The following NKAIN2 variants were observed in gnomAD, a reference collection of about 807,000 sequenced individuals.
The protein encoded by NKAIN2 is sodium/potassium-transporting ATPase subunit beta-1-interacting protein 2.
Under a neutral mutation model 32.6 loss-of-function variants are expected in NKAIN2, and 14 were observed. The ratio of observed to expected loss-of-function variants is 0.43; its 90% CI spans 0.28 to 0.67. NKAIN2 has a LOEUF of 0.67. Ranked by LOEUF, NKAIN2 falls within the 30% of genes least tolerant of loss-of-function variation. The pLI is 0.17. For synonymous variants in NKAIN2, 80 were observed against 87.2 expected (o/e 0.92, Z 0.46); for missense variants, 198 against 258.3 (o/e 0.77, Z 1.60).
intron 5 of NKAIN2, among the ~76,000 whole-genome samples, 171 bp from the exon 6 acceptor site, chr6:124,818,216 C>T (rs1157993489): frequency 6.6e-6 from 1 of 152,118 alleles, no homozygotes; most frequent in Non-Finnish European, 1.5e-5. Flanking sequence ...AGCGGAATCA[C>T]TACCTTGAAG....
At chr6:123,925,525 A>G (rs1775967885) in intron 1 of NKAIN2, among the ~76,000 whole-genome samples, 1 of 152,192 alleles carries the variant, frequency 6.6e-6, no homozygotes, top group Admixed American at 6.5e-5. Context: ...TCATTCATGT[A>G]TAAGCCACAC....
intron 2 of NKAIN2, among the ~76,000 whole-genome samples, chr6:124,308,363 A>G (rs1201041875): frequency 2.0e-5 from 3 of 152,100 alleles, no homozygotes; most frequent in Non-Finnish European, 4.4e-5. Flanking sequence ...GATTTATCAA[A>G]CTCCACGACT....
intron 1 of NKAIN2, among the ~76,000 whole-genome samples, chr6:124,163,662 C>T (rs1435404832): frequency 6.6e-6 from 1 of 151,796 alleles, no homozygotes; most frequent in Non-Finnish European, 1.5e-5. Flanking sequence ...AGTATTTTAT[C>T]TAGTGTTTTC....
At chr6:124,294,911 CT>C (rs1562476581) in intron 2 of NKAIN2, among the ~76,000 whole-genome samples, 2 of 151,838 alleles carry the variant, frequency 1.3e-5, no homozygotes, top group Non-Finnish European at 1.5e-5. Context: ...ATATTTTTTT[CT>C]TTTAAAGATA....
At chr6:124,236,325 A>G (rs1378448543) in intron 1 of NKAIN2, among the ~76,000 whole-genome samples, 2 of 152,140 alleles carry the variant, frequency 1.3e-5, no homozygotes, top group African/African-American at 4.8e-5. Context: ...ACAATGGAAC[A>G]TGTATTCTCT....
intron 2 of NKAIN2, among the ~76,000 whole-genome samples, chr6:124,319,244 T>C (rs1168286979): frequency 1.3e-5 from 2 of 152,108 alleles, no homozygotes; most frequent in Admixed American, 6.6e-5. Context: ...TTTAAATTAG[T>C]TTCTAACTTC....
chr6:124,152,703 A>G (rs148903066), intron 1 of NKAIN2, among the ~76,000 whole-genome samples: 2,511 of 152,090 alleles, frequency 0.017, 50 homozygotes, highest in Middle Eastern at 0.037. Context: ...TGAAGAGATC[A>G]CTGCACTCTT....
At chr6:124,363,113 G>A (rs1799364891) in intron 3 of NKAIN2, among the ~76,000 whole-genome samples, 1 of 152,132 alleles carries the variant, frequency 6.6e-6, no homozygotes, top group African/African-American at 2.4e-5. Context: ...GGGATTACAG[G>A]CATGAGCCAC....
At chr6:124,082,840 T>C (rs1784035917) in intron 1 of NKAIN2, among the ~76,000 whole-genome samples, 1 of 151,864 alleles carries the variant, frequency 6.6e-6, no homozygotes, top group African/African-American at 2.4e-5. Flanking sequence ...ACACAGAAAA[T>C]CAAACGCACC....
At chr6:124,640,758 G>A (rs1238452019) in intron 3 of NKAIN2, among the ~76,000 whole-genome samples, 1 of 152,166 alleles carries the variant, frequency 6.6e-6, no homozygotes, top group South Asian at 2.1e-4. Context: ...ATAAAATTGA[G>A]ATTTTGAGCC....
In NKAIN2 at chr6:124,666,071, A is replaced by G. The variant is rs367564160; in HGVS notation, c.474+7685A>G. Among the ~76,000 whole-genome samples, 42 of 152,286 alleles carry G rather than the reference A, an allele frequency of 2.8e-4. No individual in the cohort carries two copies. In the East Asian group the frequency reaches 2.9e-3, roughly 10 times the overall value. On this transcript the variant is annotated intron_variant, in intron 4 of 6. Transcript: ENST00000368417. ...CTTTCCCTGTTCCCATGGTGGTTCA[A>G]TAGCTTTGTTACATGGCTTCAGTTA...
chr6:124,574,650 C>T (rs1192554349), intron 3 of NKAIN2, among the ~76,000 whole-genome samples: 1 of 151,968 alleles, frequency 6.6e-6, no homozygotes, highest in African/African-American at 2.4e-5. Context: ...AATGAACAAA[C>T]AAACAAAAAC....
chr6:124,541,711 C>T (rs959347309), intron 3 of NKAIN2, among the ~76,000 whole-genome samples: 5 of 152,236 alleles, frequency 3.3e-5, no homozygotes, highest in South Asian at 2.1e-4. Context: ...ATCTGTGACA[C>T]GAATAAGAGA....
intron 1 of NKAIN2, among the ~76,000 whole-genome samples, chr6:123,929,016 TG>T (rs1316288133): frequency 1.3e-5 from 2 of 152,146 alleles, no homozygotes; most frequent in Non-Finnish European, 2.9e-5. Flanking sequence ...CCACACTACA[TG>T]TTCCTACCTG....
intron 2 of NKAIN2, among the ~76,000 whole-genome samples, chr6:124,312,611 C>T (rs1246467552): frequency 2.0e-5 from 3 of 152,174 alleles, no homozygotes; most frequent in Non-Finnish European, 4.4e-5. Context: ...GAGTGTGCTG[C>T]TCTCTGGGAA....
At chr6:124,135,190 C>T (rs565772153) in intron 1 of NKAIN2, among the ~76,000 whole-genome samples, 19 of 146,780 alleles carry the variant, frequency 1.3e-4, no homozygotes, top group South Asian at 2.2e-4. Flanking sequence ...GTAAATCTCA[C>T]AGAGTCTATA....
intron 1 of NKAIN2, among the ~76,000 whole-genome samples, chr6:123,814,657 C>G (rs1421276403): frequency 1.3e-5 from 2 of 152,060 alleles, no homozygotes; most frequent in South Asian, 2.1e-4. Context: ...CATATTTTTT[C>G]CCTTACATTG....
chr6:124,233,101 A>G (rs1312686454), intron 1 of NKAIN2, among the ~76,000 whole-genome samples: 1 of 152,102 alleles, frequency 6.6e-6, no homozygotes, highest in Non-Finnish European at 1.5e-5. Flanking sequence ...TGGATGACCT[A>G]TGAGCTACCA....
intron 3 of NKAIN2, among the ~76,000 whole-genome samples, chr6:124,594,222 A>C (rs1782005748): frequency 6.6e-6 from 1 of 152,254 alleles, no homozygotes; most frequent in Non-Finnish European, 1.5e-5. Flanking sequence ...AAAGTCATGA[A>C]TTTTAAGTCA....
Sources: allele counts gnomAD v4.1 joint callset (sites outside exome capture counted in the v4.1 genomes callset), GRCh38; gene constraint gnomAD v4.1.1; transcripts MANE v1.5; gene names NCBI Gene and HGNC (gene_info 2026-07-23, HGNC 2026-07-21).